TACC2: variants seen among roughly 807,000 people sequenced by gnomAD.
The protein encoded by TACC2 is transforming acidic coiled-coil containing protein 2, also known as transforming acidic coiled-coil-containing protein 2.
TACC2 carries 137 observed loss-of-function variants against 227.3 expected under a neutral mutation model. That is an observed-to-expected ratio of 0.60 (90% CI 0.52 to 0.69). TACC2 has a LOEUF of 0.69. TACC2 is among the 30% of genes least tolerant of loss of function. The pLI is 0.00. For missense variants in TACC2, 3,470 were observed against 3,694.4 expected, an observed-to-expected ratio of 0.94 and a Z score of 1.57; for synonymous variants, 1,523 against 1,487.5, an observed-to-expected ratio of 1.02 and a Z score of -0.55.
At chr10:122,148,596 G>A (rs901577463) in intron 7 of TACC2, among the ~76,000 whole-genome samples, 2 of 152,272 alleles carry the variant, frequency 1.3e-5, no homozygotes, top group Non-Finnish European at 2.9e-5. Flanking sequence ...CAGCGAGGCA[G>A]TGAGACCTGG....
intron 7 of TACC2, among the ~76,000 whole-genome samples, chr10:122,185,741 G>T (rs925504230): frequency 6.6e-6 from 1 of 152,218 alleles, no homozygotes; most frequent in African/African-American, 2.4e-5. Context: ...GGTCCTGGTT[G>T]TGTTTCAGAT....
In TACC2 at chr10:122,215,258, T is replaced by C. The variant is rs570887390; in HGVS notation, c.7284-133T>C. ...AGCCGGCGTGGCCTCTCGCTGGTGC[T>C]GGAGTGACAGAGGTGGGAGGGTGGC... On this transcript the variant is annotated intron_variant, in intron 9 of 22. Coordinates refer to ENST00000369005, the MANE Select transcript of TACC2 (RefSeq NM_206862.4). The C allele has an allele frequency of 2.7e-5, 21 of 766,776 alleles. No individual in the cohort carries two copies. The African/African-American group carries it at 3.6e-4, about 13-fold the overall frequency. The allele number at this position is 766,776 out of a possible 1,614,324, so 47.5% of individuals were successfully genotyped here.
chr10:122,034,787 G>A (rs977232210), intron 2 of TACC2, among the ~76,000 whole-genome samples: 2 of 151,862 alleles, frequency 1.3e-5, no homozygotes, highest in Admixed American at 6.6e-5. Context: ...AAAATTAGCC[G>A]GGCGTGGTGG....
At chr10:122,020,752 C>T (rs1443192982) in intron 1 of TACC2, among the ~76,000 whole-genome samples, 1 of 152,142 alleles carries the variant, frequency 6.6e-6, no homozygotes, top group African/African-American at 2.4e-5. Flanking sequence ...GTCATCTCTA[C>T]GGCTCCAGCT....
rs547871776 is a variant in TACC2, at chr10:122,082,921, G to C, written c.421G>C (p.Glu141Gln). The C allele has an allele frequency of 1.9e-6, 3 of 1,612,994 alleles. No homozygotes were observed. The highest frequency in any genetic ancestry group is 2.5e-6 in the Non-Finnish European group (3 of 1,180,034). ...DGPQTQSPRR[E>Q]PAPNAPGDIA... ...TCCTCAGACTCAGTCTCCCAGGAGG[G>C]AACCTGCCCCAAATGCCCCAGGAGA... The change falls in exon 4 of 23, where the codon GAA (glutamate) becomes CAA (glutamine). Residue 141 changes from glutamate to glutamine, a missense_variant. Coordinates refer to ENST00000369005, the MANE Select transcript of TACC2 (RefSeq NM_206862.4).
At chr10:122,187,414 C>T (rs1287226616) in intron 7 of TACC2, among the ~76,000 whole-genome samples, 2 of 152,230 alleles carry the variant, frequency 1.3e-5, no homozygotes, top group Non-Finnish European at 2.9e-5. Flanking sequence ...CTGTCCAGCT[C>T]AGCAGCTTTG....
intron 5 of TACC2, chr10:122,126,984 G>A (rs986066839): frequency 6.6e-6 from 1 of 152,564 alleles, no homozygotes; most frequent in Non-Finnish European, 1.5e-5. Flanking sequence ...TTGTGAATGG[G>A]ATTAGTGCCC....
At chr10:122,078,241 GC>G (rs1201047777) in intron 3 of TACC2, among the ~76,000 whole-genome samples, 2 of 149,442 alleles carry the variant, frequency 1.3e-5, no homozygotes, top group East Asian at 3.9e-4. Context: ...AGAGGGTCTG[GC>G]CTGAGTCAGT....
At chr10:122,137,484 C>T (rs559044463) in intron 6 of TACC2, among the ~76,000 whole-genome samples, 1 of 152,108 alleles carries the variant, frequency 6.6e-6, no homozygotes, top group Non-Finnish European at 1.5e-5. Flanking sequence ...AAAAAAAAAG[C>T]AGAATGGTTT....
At chr10:122,155,211 C>T (rs979361474) in intron 7 of TACC2, among the ~76,000 whole-genome samples, 20 of 152,368 alleles carry the variant, frequency 1.3e-4, no homozygotes, top group African/African-American at 4.3e-4. Flanking sequence ...GGCGCAGATC[C>T]GCCCTTCTCA....
intron 5 of TACC2, among the ~76,000 whole-genome samples, chr10:122,131,714 C>T (rs974311615): frequency 7.9e-5 from 12 of 152,206 alleles, no homozygotes; most frequent in Admixed American, 3.9e-4. Context: ...CAGACATGAA[C>T]GTAGTCTATC....
At chr10:122,080,986 T>C (rs1376862861) in intron 3 of TACC2, among the ~76,000 whole-genome samples, 2 of 152,238 alleles carry the variant, frequency 1.3e-5, no homozygotes, top group African/African-American at 4.8e-5. Context: ...ACCATACTTA[T>C]GTTAACTTTG....
Position 122,086,030 on chromosome 10 carries a change from T to C in TACC2, c.3530T>C (p.Leu1177Pro). ...TSGEEASTSALRESCQAEHPM... is the reference protein window; with the variant it reads ...TSGEEASTSAPRESCQAEHPM... ...GGGGAGGAAGCTTCTACCTCTGCCC[T>C]ACGTGAGTCCTGCCAAGCTGAGCAC... is the stretch of plus-strand genomic sequence containing the variant. Residue 1177 changes from leucine to proline, a missense_variant, in exon 4 of 23, where the codon CTA becomes CCA. Around this residue, in one of 10 missense-constraint regions of TACC2, gnomAD observed 1,924 missense variants for 1,978.3 expected, o/e 0.97. Transcript: ENST00000369005. The C allele has an allele frequency of 6.2e-7, 1 of 1,613,914 alleles. No homozygotes were observed. Among genetic ancestry groups the C allele is most frequent in the Non-Finnish European group, 8.5e-7 (1 of 1,180,022 alleles).
intron 12 of TACC2, among the ~76,000 whole-genome samples, chr10:122,225,739 C>T (rs761305548): frequency 1.3e-5 from 2 of 152,210 alleles, no homozygotes; most frequent in Non-Finnish European, 2.9e-5. Context: ...TGGCAGGCCT[C>T]GCGGATGAAT....
intron 19 of TACC2, among the ~76,000 whole-genome samples, chr10:122,243,123 T>C (rs2096039905): frequency 6.6e-6 from 1 of 152,212 alleles, no homozygotes; most frequent in Admixed American, 6.5e-5. Flanking sequence ...TTTGTATTTT[T>C]AGTAGAGACG....
At chr10:122,090,397 A>G (rs1444009329) in intron 5 of TACC2, among the ~76,000 whole-genome samples, 1 of 151,572 alleles carries the variant, frequency 6.6e-6, no homozygotes, top group East Asian at 2.0e-4. Context: ...AATACAAAAA[A>G]TTAGCTGGGT....
intron 1 of TACC2, among the ~76,000 whole-genome samples, chr10:122,014,639 C>T (rs964165604): frequency 2.6e-5 from 4 of 151,952 alleles, no homozygotes; most frequent in African/African-American, 9.7e-5. Flanking sequence ...ACCTGCTCTG[C>T]CCACTGTGGC....
chr10:122,115,278 G>T (rs1301086578), intron 5 of TACC2, among the ~76,000 whole-genome samples: 5 of 5,144 alleles, frequency 9.7e-4, no homozygotes, highest in Non-Finnish European at 7.6e-3. Context: ...GTGAGTGTGT[G>T]TGTGTGTGTG....
Position 122,132,492 on chromosome 10 carries a change from T to G in TACC2, c.5574-117T>G, listed in dbSNP as rs959920887. 1.6e-4 allele frequency: 192 copies of G among 1,228,476 alleles called. 2 individuals carry two copies. Among genetic ancestry groups the G allele is most frequent in the Admixed American group, 8.9e-5 (5 of 55,962 alleles). The allele number at this position is 1,228,476 out of a possible 1,614,324, so 76.1% of individuals were successfully genotyped here. ...TGTACCCTGGAGACAGAGTTTGCAG[T>G]GAGCGGAGATCGCGCCATTGCCCTC... On this transcript the variant is annotated intron_variant, in intron 5 of 22. Coordinates refer to ENST00000369005, the MANE Select transcript of TACC2 (RefSeq NM_206862.4).
Sources: gnomAD v4.1 joint callset for allele counts (sites outside exome capture counted in the v4.1 genomes callset) on GRCh38, gnomAD v4.1.1 for gene constraint, gnomAD v4.1.1 regional missense constraint, MANE v1.5 for transcripts, NCBI Gene and HGNC (gene_info 2026-07-23, HGNC 2026-07-21) for gene names.